KCNB2: variants seen among roughly 807,000 people sequenced by gnomAD.
KCNB2 encodes delayed rectifier potassium channel protein.
In KCNB2, 15 loss-of-function variants were observed where a neutral mutation model predicts 61.5. The observed-to-expected ratio is 0.24, with a 90% CI of 0.16 to 0.38. KCNB2 has a LOEUF of 0.38. KCNB2 is among the 10% of genes least tolerant of loss of function. The probability of loss-of-function intolerance (pLI) is 1.00; values close to 1 mark genes in which losing one functional copy is unlikely to be tolerated. For missense variants in KCNB2, 828 were observed against 1,125.2 expected, an observed-to-expected ratio of 0.74 and a Z score of 3.78; for synonymous variants, 457 against 446.0, an observed-to-expected ratio of 1.02 and a Z score of -0.31.
chr8:72,603,576 C>T (rs1335329563), intron 2 of KCNB2, among the ~76,000 whole-genome samples: 1 of 152,124 alleles, frequency 6.6e-6, no homozygotes, highest in East Asian at 1.9e-4. Flanking sequence ...TGTGTGTCAG[C>T]GATGCAGAGC....
At chr8:72,576,745 G>A (rs939405356) in intron 2 of KCNB2, among the ~76,000 whole-genome samples, 7 of 152,200 alleles carry the variant, frequency 4.6e-5, no homozygotes, top group South Asian at 2.1e-4. Context: ...CCCCTGGACC[G>A]TAGTTGATGA....
At chr8:72,845,354 T>C (rs562178582) in intron 2 of KCNB2, among the ~76,000 whole-genome samples, 1 of 152,076 alleles carries the variant, frequency 6.6e-6, no homozygotes, top group Non-Finnish European at 1.5e-5. Flanking sequence ...CTGGAGCTCT[T>C]TTGTATGAGA....
chr8:72,677,666 C>A (rs904986570), intron 2 of KCNB2, among the ~76,000 whole-genome samples: 1 of 152,154 alleles, frequency 6.6e-6, no homozygotes, highest in Non-Finnish European at 1.5e-5. Context: ...GTTTGGCTAC[C>A]AGGATGCTTT....
chr8:72,667,801 G>A (rs1806503280), intron 2 of KCNB2, among the ~76,000 whole-genome samples: 1 of 152,156 alleles, frequency 6.6e-6, no homozygotes, highest in Non-Finnish European at 1.5e-5. Context: ...TAAATCAGAT[G>A]TCACCCTCTT....
At chr8:72,694,333 C>T (rs1300253123) in intron 2 of KCNB2, among the ~76,000 whole-genome samples, 1 of 152,178 alleles carries the variant, frequency 6.6e-6, no homozygotes, top group Non-Finnish European at 1.5e-5. Context: ...CTTCTTGTCT[C>T]TCCAACTGGA....
intron 2 of KCNB2, among the ~76,000 whole-genome samples, chr8:72,573,666 GCTCTT>G: frequency 6.7e-6 from 1 of 149,812 alleles, no homozygotes; most frequent in East Asian, 2.0e-4. Flanking sequence ...ACCGTGCAGT[GCTCTT>G]CTCTACATTG....
At chr8:72,678,953 G>A (rs1806707965) in intron 2 of KCNB2, among the ~76,000 whole-genome samples, 1 of 152,054 alleles carries the variant, frequency 6.6e-6, no homozygotes, top group African/African-American at 2.4e-5. Context: ...TTCTTGTGGT[G>A]ATGCCCTTTG....
At chr8:72,702,389 T>C (rs938162181) in intron 2 of KCNB2, among the ~76,000 whole-genome samples, 17 of 152,130 alleles carry the variant, frequency 1.1e-4, no homozygotes, top group African/African-American at 4.1e-4. Context: ...ACCAAACAAA[T>C]TGTGCCAGCA....
intron 2 of KCNB2, among the ~76,000 whole-genome samples, chr8:72,895,284 G>A (rs1805972862): frequency 1.3e-5 from 2 of 152,182 alleles, no homozygotes; most frequent in Non-Finnish European, 2.9e-5. Flanking sequence ...GTGGGCCCCA[G>A]GTAATCACAA....
Position 72,691,203 on chromosome 8 carries a change from C to T in KCNB2, c.579+122890C>T, listed in dbSNP as rs531659711. On this transcript the variant is annotated intron_variant, in intron 2 of 2. Coordinates refer to ENST00000523207, the MANE Select transcript of KCNB2 (RefSeq NM_004770.3). ...AATACTCTGATTTGAACTCTAGCAA[C>T]GGACATCACTGTACCTCCCTGAGTA... 3.3e-5 allele frequency among the ~76,000 whole-genome samples: 5 copies of T among 152,342 alleles called. No homozygotes were observed. The South Asian group carries it at 8.3e-4, about 25-fold the overall frequency.
In KCNB2 at chr8:72,937,243, C is replaced by A. The variant is rs1806930758; in HGVS notation, c.1888C>A (p.Gln630Lys). 6.2e-7 allele frequency: 1 copy of A among 1,614,066 alleles called. No homozygotes were observed. Reference sequence around the variant, plus strand: ...GCCGCCGCCCTCCGCCTCTCACTTGCAGATGAAGTTCCCAACCGACCTCCC... The same window carrying A: ...GCCGCCGCCCTCCGCCTCTCACTTGAAGATGAAGTTCCCAACCGACCTCCC... ...PLPPPSASHL[Q>K]MKFPTDLPGT... Residue 630 changes from glutamine to lysine, a missense_variant, in exon 3 of 3, where the codon CAG becomes AAG. This residue lies in a region of KCNB2 where 559 missense variants were observed against 588.4 expected (regional missense o/e 0.95). Transcript: ENST00000523207.
chr8:72,622,960 G>C (rs901615418), intron 2 of KCNB2, among the ~76,000 whole-genome samples: 1 of 152,068 alleles, frequency 6.6e-6, no homozygotes, highest in African/African-American at 2.4e-5. Context: ...CCATCTACTT[G>C]AGCTCAAATT....
chr8:72,805,367 A>T (rs1309208967), intron 2 of KCNB2, among the ~76,000 whole-genome samples: 1 of 152,150 alleles, frequency 6.6e-6, no homozygotes, highest in Non-Finnish European at 1.5e-5. Flanking sequence ...CTACAATCAG[A>T]CAACCACAAA....
At chr8:72,756,437 C>T (rs1808291595) in intron 2 of KCNB2, among the ~76,000 whole-genome samples, 1 of 152,162 alleles carries the variant, frequency 6.6e-6, no homozygotes, top group African/African-American at 2.4e-5. Context: ...GTGATTGGAA[C>T]AACAGTTTAG....
At chr8:72,633,030 G>A (rs1269453797) in intron 2 of KCNB2, among the ~76,000 whole-genome samples, 3 of 152,158 alleles carry the variant, frequency 2.0e-5, no homozygotes, top group African/African-American at 7.2e-5. Context: ...GAAGTCCAGT[G>A]GGCTTGACTG....
intron 2 of KCNB2, among the ~76,000 whole-genome samples, chr8:72,778,911 T>TATAG (rs1233407853): frequency 6.6e-6 from 1 of 151,978 alleles, no homozygotes; most frequent in African/African-American, 2.4e-5. Flanking sequence ...GAAAGCCAAG[T>TATAG]ATAGCATTTG....
intron 2 of KCNB2, among the ~76,000 whole-genome samples, chr8:72,920,457 C>CTATA (rs1286454103): frequency 0.067 from 4,562 of 68,270 alleles, 587 homozygotes; most frequent in African/African-American, 0.086. Flanking sequence ...ATCTATCTAT[C>CTATA]TATCTATCTA....
chr8:72,565,141 G>A (rs200673556), intron 1 of KCNB2, among the ~76,000 whole-genome samples: 5 of 149,428 alleles, frequency 3.3e-5, no homozygotes, highest in African/African-American at 7.3e-5. Context: ...AAATGTGTGT[G>A]TATATATATA....
At chr8:72,861,110 T>C (rs1169582040) in intron 2 of KCNB2, among the ~76,000 whole-genome samples, 1 of 152,196 alleles carries the variant, frequency 6.6e-6, no homozygotes, top group Non-Finnish European at 1.5e-5. Flanking sequence ...GTACATTCAT[T>C]TATATGTTCT....
Sources: gnomAD v4.1 joint callset for allele counts (sites outside exome capture counted in the v4.1 genomes callset) on GRCh38, gnomAD v4.1.1 for gene constraint, gnomAD v4.1.1 regional missense constraint, MANE v1.5 for transcripts, NCBI Gene and HGNC (gene_info 2026-07-23, HGNC 2026-07-21) for gene names.